Variants in INKA2 observed in about 807,000 individuals in gnomAD.
The protein encoded by INKA2 is inka box actin regulator 2.
A neutral mutation model predicts 9.8 loss-of-function variants in INKA2; 3 were observed. The observed-to-expected ratio is 0.31, with a 90% CI of 0.14 to 0.79. The LOEUF (loss-of-function observed/expected upper bound fraction) is 0.79. INKA2 is among the 30% of genes least tolerant of loss of function. INKA2 has a pLI of 0.62. For synonymous variants in INKA2, 147 were observed against 143.3 expected (o/e 1.03, Z -0.18); for missense variants, 392 against 384.4 (o/e 1.02, Z -0.17).
At chr1:111,748,600 A>C (rs1663324307) in intron 1 of INKA2, among the ~76,000 whole-genome samples, 2 of 152,188 alleles carry the variant, frequency 1.3e-5, no homozygotes, top group African/African-American at 4.8e-5. Context: ...TCAGCAAATA[A>C]GAAAAAGGGC....
chr1:111,734,511 C>T (rs1662973379), intron 1 of INKA2, among the ~76,000 whole-genome samples: 1 of 152,146 alleles, frequency 6.6e-6, no homozygotes, highest in Non-Finnish European at 1.5e-5. Flanking sequence ...CCACCTCTAC[C>T]CCATATCACC....
chr1:111,731,046 G>A (rs967441099), intron 1 of INKA2, among the ~76,000 whole-genome samples: 5 of 152,314 alleles, frequency 3.3e-5, no homozygotes, highest in African/African-American at 1.2e-4. Context: ...GGAGGTAGAG[G>A]GAGGAATGAA....
intron 1 of INKA2, chr1:111,745,265 T>TTATATATATATATATATATATATATA (rs71078098): frequency 2.2e-5 from 1 of 45,118 alleles, no homozygotes; most frequent in Non-Finnish European, 4.0e-5. Flanking sequence ...CACAGAGATA[T>TTATATATATATATATATATATATATA]TATATATATA....
At chr1:111,732,104 G>A (rs1662918438) in intron 1 of INKA2, among the ~76,000 whole-genome samples, 1 of 152,204 alleles carries the variant, frequency 6.6e-6, no homozygotes, top group South Asian at 2.1e-4. Context: ...GACAGTGGTG[G>A]GGCAGGAGCG....
chr1:111,755,717 C>T (rs1246823633), exon 1 of INKA2: 4 of 1,613,752 alleles, frequency 2.5e-6, no homozygotes, highest in East Asian at 2.2e-5. Flanking sequence ...CCTCATCTTT[C>T]CTCTCCTCCC....
chr1:111,746,462 A>ATC (rs1469576089), intron 1 of INKA2: 14 of 152,362 alleles, frequency 9.2e-5, no homozygotes, highest in African/African-American at 3.4e-4. Flanking sequence ...ATCCATAGAA[A>ATC]GTGACTGAGG....
Position 111,727,652 on chromosome 1 carries a change from G to A in INKA2, c.210C>T (p.Pro70=). 6.2e-7 allele frequency: 1 copy of A among 1,609,822 alleles called. No individual in the cohort carries two copies. Among genetic ancestry groups the A allele is most frequent in the South Asian group, 1.1e-5 (1 of 90,432 alleles). ...GGPVPGSPEG[P]RTQCEHPCWE... ...AACAAGGGTGCTCGCACTGGGTCCT[G>A]GGACCTTCAGGGCTGCCTGGCACAG... Residue 70 remains proline, a synonymous_variant, in exon 2 of 2, where the codon CCC becomes CCT. Transcript: ENST00000357260.
rs1420392680 is a variant in INKA2, at chr1:111,726,695, A to G, written c.*273T>C. ...GCCCCAAAGTGAGTGCATGCATGCC[A>G]GACAGACACACACATGCACACACAC... On this transcript the variant is annotated 3_prime_UTR_variant, in exon 2 of 2. Transcript: ENST00000357260. 2 of 465,026 alleles carry G rather than the reference A, an allele frequency of 4.3e-6. No homozygotes were observed. Among genetic ancestry groups the G allele is most frequent in the Non-Finnish European group, 7.7e-6 (2 of 260,328 alleles). The allele number at this position is 465,026 out of a possible 1,614,324, so 28.8% of individuals were successfully genotyped here. A position where few individuals can be genotyped will look rare whatever the true frequency, so the allele number is the denominator to read the frequency against.
In INKA2 at chr1:111,727,797, A is replaced by C. The variant is rs777443274; in HGVS notation, c.65T>G (p.Met22Arg). Residue 22 changes from methionine to arginine, a missense_variant, in exon 2 of 2, where the codon ATG becomes AGG. Met to Arg is a moderately conservative substitution (Grantham distance 91). Coordinates refer to ENST00000357260, the MANE Select transcript of INKA2 (RefSeq NM_019099.5). ...LRRLKQELMS[M>R]KEVGDGLQDQ... ...CTGTAAGCCATCACCCACCTCCTTC[A>C]TGGACATCTGCAGGGGAGAGAGAAA... 1.2e-6 allele frequency: 2 copies of C among 1,604,854 alleles called. No individual in the cohort carries two copies. The highest frequency in any genetic ancestry group is 4.5e-5 in the East Asian group (2 of 44,874).
Position 111,739,358 on chromosome 1 carries a change from G to C in INKA2, c.-116C>G, listed in dbSNP as rs985687913. 5 of 1,544,796 alleles carry C rather than the reference G, an allele frequency of 3.2e-6. No individual in the cohort carries two copies. The highest frequency in any genetic ancestry group is 1.4e-5 in the African/African-American group (1 of 71,980). ...CCTGCGCCCGTAGCGCTCGCAGCGC[G>C]GAGCTGAGCCTGCGCTCCGAGCCCG... On this transcript the variant is annotated 5_prime_UTR_variant, in exon 1 of 2. Transcript: ENST00000357260.
chr1:111,730,464 C>T (rs549434029), intron 1 of INKA2, among the ~76,000 whole-genome samples: 11 of 152,288 alleles, frequency 7.2e-5, no homozygotes, highest in Admixed American at 6.5e-4. Context: ...GCTTCCGAAC[C>T]GCCAGACACG....
chr1:111,727,106 G>C lies in INKA2; in HGVS notation c.756C>G (p.Ser252Arg), dbSNP rs747384854. The C allele has an allele frequency of 1.9e-6, 3 of 1,614,214 alleles. No individual in the cohort carries two copies. In the South Asian group the frequency reaches 3.3e-5, roughly 18 times the overall value. ...TGRSQKVKKRSLSKGSGHFPF... is the reference protein window; with the variant it reads ...TGRSQKVKKRRLSKGSGHFPF... ...GGAAATGTCCAGAGCCCTTGGAAAG[G>C]CTCCGCTTCTTGACCTTCTGTGAGC... The change falls in exon 2 of 2, where the codon AGC (serine) becomes AGG (arginine). Residue 252 changes from serine (S) to arginine (R), a missense_variant. By Grantham distance (110) the Ser-to-Arg change is moderately radical (BLOSUM62 -1). Transcript: ENST00000357260.
chr1:111,723,432 A>AT lies in INKA2; in HGVS notation c.*3535_*3536insA, dbSNP rs1662694291. 3.0e-5 allele frequency: 7 copies of AT among 230,968 alleles called. No individual in the cohort carries two copies. Among genetic ancestry groups the AT allele is most frequent in the Non-Finnish European group, 5.2e-5 (7 of 135,802 alleles). 14.3% of individuals were successfully genotyped at this position (230,968 alleles called of 1,614,324 possible). The stretch of plus-strand genomic sequence containing the variant: ...GGAGGGAGACCAGGCCGGCCCCACT[A>AT]GCATGCCCAGCAGGGACTCTTTTCT... On this transcript the variant is annotated 3_prime_UTR_variant, in exon 2 of 2. Transcript: ENST00000357260.
At chr1:111,747,398 C>G (rs759153793) in intron 1 of INKA2, 10 of 150,596 alleles carry the variant, frequency 6.6e-5, no homozygotes, top group Non-Finnish European at 1.3e-4. Flanking sequence ...AAGAGCATGA[C>G]TGGTGTGTTA....
At chr1:111,741,475 CA>C (rs1663150106), upstream of INKA2, among the ~76,000 whole-genome samples, 1 of 152,172 alleles carries the variant, frequency 6.6e-6, no homozygotes, top group South Asian at 2.1e-4. Context: ...GAGCTGCCCC[CA>C]AGGACACAGC....
At chr1:111,727,845 TG>T (rs1662822479) in intron 1 of INKA2, 41 bp from the exon 2 acceptor site, 1 of 1,580,110 alleles carries the variant, frequency 6.3e-7, no homozygotes, top group South Asian at 1.1e-5. Context: ...TGAGCCACAG[TG>T]GGCAGCAGTG....
chr1:111,726,721 ACACACACACG>A lies in INKA2; in HGVS notation c.*237_*246del. On this transcript the variant is annotated 3_prime_UTR_variant, in exon 2 of 2. Coordinates refer to ENST00000357260, the MANE Select transcript of INKA2 (RefSeq NM_019099.5). Reference sequence around the variant, plus strand: ...GACAGACACACACATGCACACACACACACACACACGCACAGCTCACTCTCCAGCTACTCTT... The same window carrying A: ...GACAGACACACACATGCACACACACACACAGCTCACTCTCCAGCTACTCTT... The A allele has an allele frequency of 1.8e-6, 1 of 554,674 alleles. No homozygotes were observed. The highest frequency in any genetic ancestry group is 2.1e-5 in the South Asian group (1 of 46,678). The allele number at this position is 554,674 out of a possible 1,614,324, so 34.4% of individuals were successfully genotyped here.
At chr1:111,738,161 G>C (rs1663046398) in intron 1 of INKA2, among the ~76,000 whole-genome samples, 1 of 152,210 alleles carries the variant, frequency 6.6e-6, no homozygotes, top group Non-Finnish European at 1.5e-5. Flanking sequence ...AACTAAAAGA[G>C]ACAAAAAGAG....
At chr1:111,740,678 T>C (rs534091602), upstream of INKA2, among the ~76,000 whole-genome samples, 2 of 152,210 alleles carry the variant, frequency 1.3e-5, no homozygotes, top group Admixed American at 6.5e-5. Flanking sequence ...GTGCCAGATA[T>C]GCTAACTATT....
Sources: allele counts gnomAD v4.1 joint callset (sites outside exome capture counted in the v4.1 genomes callset), GRCh38; gene constraint gnomAD v4.1.1; transcripts MANE v1.5; gene names NCBI Gene and HGNC (gene_info 2026-07-23, HGNC 2026-07-21).